HMG20A: variants seen among roughly 807,000 people sequenced by gnomAD.
HMG20A encodes the protein high mobility group 20A.
Under a neutral mutation model 43.9 loss-of-function variants are expected in HMG20A, and 17 were observed. The observed-to-expected ratio is 0.39, with a 90% confidence interval of 0.27 to 0.58. The LOEUF is 0.58. Among genes scored for constraint, HMG20A ranks in the 20% least tolerant of loss-of-function variants. HMG20A has a pLI of 0.59. For missense variants in HMG20A, 341 were observed against 438.2 expected (o/e 0.78, Z 1.98); for synonymous variants, 132 against 147.5 (o/e 0.89, Z 0.76).
chr15:77,471,063 T>C, intron 5 of HMG20A, 21 bp downstream of exon 5: 1 of 1,604,006 alleles, frequency 6.2e-7, no homozygotes, highest in South Asian at 1.1e-5. Flanking sequence ...CAGAACCAAA[T>C]GTATTTGTAG....
intron 1 of HMG20A, 119 bp downstream of exon 1, chr15:77,421,123 G>C: frequency 2.5e-6 from 1 of 392,662 alleles, no homozygotes; most frequent in Non-Finnish European, 4.5e-6. Context: ...CCGGCTGAAT[G>C]GGGGCGCCTC....
At chr15:77,478,085 ATG>A (rs1369382225) in intron 7 of HMG20A, 4 of 587,106 alleles carry the variant, frequency 6.8e-6, no homozygotes, top group Non-Finnish European at 9.1e-6. Flanking sequence ...TATGTATGGA[ATG>A]TGACTAGCTT....
intron 6 of HMG20A, among the ~76,000 whole-genome samples, chr15:77,473,421 T>G (rs2072828188): frequency 6.6e-6 from 1 of 152,250 alleles, no homozygotes. Flanking sequence ...CTTCTTTTTT[T>G]CTCTATTTTA....
intron 1 of HMG20A, among the ~76,000 whole-genome samples, chr15:77,424,422 T>C (rs895126181): frequency 6.6e-6 from 1 of 152,194 alleles, no homozygotes; most frequent in Non-Finnish European, 1.5e-5. Flanking sequence ...TTGGTAACCA[T>C]GAGCAATTTA....
At chr15:77,487,597 G>C (rs187751952), downstream of HMG20A, among the ~76,000 whole-genome samples, 1 of 152,246 alleles carries the variant, frequency 6.6e-6, no homozygotes, top group East Asian at 1.9e-4. Flanking sequence ...ATAAACAGGT[G>C]GTAATACTTC....
intron 1 of HMG20A, among the ~76,000 whole-genome samples, chr15:77,423,532 A>C (rs1239938377): frequency 6.6e-6 from 1 of 152,252 alleles, no homozygotes; most frequent in East Asian, 1.9e-4. Context: ...TATGTAACAA[A>C]GAAAGTGTCA....
Position 77,443,352 on chromosome 15 carries a change from TATGATG to T in HMG20A, c.-4-15028_-4-15023del, listed in dbSNP as rs771200087. On this transcript the variant is annotated intron_variant, in intron 1 of 9. Coordinates refer to ENST00000336216, the MANE Select transcript of HMG20A (RefSeq NM_001304504.2). ...TCTTTGTTCTTATATATCTATTTTT[TATGATG>T]ATGATGATGATGATGATGATGATTA... Among the ~76,000 whole-genome samples the T allele has an allele frequency of 2.4e-4, 34 of 141,786 alleles. 1 individual carries two copies. The highest frequency in any genetic ancestry group is 3.7e-4 in the African/African-American group (14 of 38,270). 93.0% of individuals were successfully genotyped at this position (141,786 alleles called of 152,430 possible). A position where few individuals can be genotyped will look rare whatever the true frequency, so the allele number is the denominator to read the frequency against.
chr15:77,482,975 A>G lies in HMG20A; in HGVS notation c.*12A>G, dbSNP rs528383204. 6.6e-6 allele frequency: 1 copy of G among 152,350 alleles called. No individual in the cohort carries two copies. Among genetic ancestry groups the G allele is most frequent in the South Asian group, 2.1e-4 (1 of 4,828 alleles). 9.4% of individuals were successfully genotyped at this position (152,350 alleles called of 1,614,324 possible). ...TTGTTTTCCTGATTCTACAGGTCTT[A>G]GAACTCCAAGATGTTCCATAAGTGT... On this transcript the variant is annotated 3_prime_UTR_variant, in exon 10 of 10. Transcript: ENST00000336216.
rs2072811979 is a variant in HMG20A, at chr15:77,471,831, C to T, written c.615+17C>T. On this transcript the variant is annotated intron_variant, in intron 6 of 9. Transcript: ENST00000336216. ...GATCATGAGGTAATTAGCCATCTGT[C>T]TACATATCATATATATGTATTTATA... 7.0e-7 allele frequency: 1 copy of T among 1,437,908 alleles called. No individual in the cohort carries two copies. Among genetic ancestry groups the T allele is most frequent in the Non-Finnish European group, 9.6e-7 (1 of 1,042,188 alleles). The allele number at this position is 1,437,908 out of a possible 1,614,324, so 89.1% of individuals were successfully genotyped here.
At chr15:77,513,865 A>G in the HMG20A span, among the ~76,000 whole-genome samples, 3 of 152,082 alleles carry the variant, frequency 2.0e-5, no homozygotes, top group East Asian at 5.8e-4. Context: ...AGCTGGGACT[A>G]CAGGCATGCG....
In HMG20A at chr15:77,464,327, GT is replaced by G; in HGVS notation, c.179del (p.Leu60CysfsTer55). 4.3e-6 allele frequency: 7 copies of G among 1,613,906 alleles called. No homozygotes were observed. The highest frequency in any genetic ancestry group is 5.9e-6 in the Non-Finnish European group (7 of 1,179,848). ...EFVEDLSQGQ[L>X]LQSESSNAAE... The stretch of plus-strand genomic sequence containing the variant: ...TTGTGGAGGATCTCTCTCAAGGTCA[GT>G]TGCTTCAGAGTGAGTCTTCAAATGC... On this transcript the variant is annotated frameshift_variant, in exon 3 of 10. Transcript: ENST00000336216. LOFTEE classifies it high-confidence loss of function.
chr15:77,443,706 TTTATTA>T (rs201807809), intron 1 of HMG20A, among the ~76,000 whole-genome samples: 1 of 149,780 alleles, frequency 6.7e-6, no homozygotes, highest in Non-Finnish European at 1.5e-5. Context: ...TATGTATTTA[TTTATTA>T]TTATTATTAT....
intron 1 of HMG20A, among the ~76,000 whole-genome samples, chr15:77,450,220 C>T (rs535996808): frequency 6.6e-6 from 1 of 152,060 alleles, no homozygotes; most frequent in African/African-American, 2.4e-5. Context: ...AGCTCTGCCT[C>T]CAGGGTTCGC....
intron 1 of HMG20A, among the ~76,000 whole-genome samples, chr15:77,456,734 A>C (rs1172087688): frequency 2.0e-5 from 3 of 152,068 alleles, no homozygotes; most frequent in East Asian, 3.9e-4. Context: ...TATGGTATCT[A>C]ACAGATATTA....
the HMG20A span, among the ~76,000 whole-genome samples, chr15:77,519,126 C>T: frequency 6.6e-6 from 1 of 152,144 alleles, no homozygotes; most frequent in Admixed American, 6.5e-5. Flanking sequence ...TGGCCTAGAT[C>T]CTGCCTCAGT....
intron 3 of HMG20A, among the ~76,000 whole-genome samples, chr15:77,465,784 T>C (rs2072751750): frequency 6.6e-6 from 1 of 152,260 alleles, no homozygotes; most frequent in Non-Finnish European, 1.5e-5. Flanking sequence ...CCATTTTATA[T>C]ATATTTGGAG....
rs184583386 is a variant in HMG20A, at chr15:77,442,850, A to G, written c.-4-15554A>G. Reference sequence around the variant, plus strand: ...CGTGTAGCCATATTTTTTTTACAAAAAAGAAACTAAGTATTGCATGTGAAA... The same window carrying G: ...CGTGTAGCCATATTTTTTTTACAAAGAAGAAACTAAGTATTGCATGTGAAA... On this transcript the variant is annotated intron_variant, in intron 1 of 9. Transcript: ENST00000336216. Among the ~76,000 whole-genome samples, 189 of 152,260 alleles carry G rather than the reference A, an allele frequency of 1.2e-3. 1 individual carries two copies. The highest frequency in any genetic ancestry group is 4.4e-3 in the African/African-American group (184 of 41,558).
the HMG20A span, among the ~76,000 whole-genome samples, chr15:77,498,009 T>C: frequency 6.6e-6 from 1 of 152,028 alleles, no homozygotes; most frequent in Non-Finnish European, 1.5e-5. Flanking sequence ...AAGATCTTTA[T>C]CTAGGTGGGA....
At chr15:77,449,042 C>T (rs768076294) in intron 1 of HMG20A, among the ~76,000 whole-genome samples, 1 of 151,430 alleles carries the variant, frequency 6.6e-6, no homozygotes, top group South Asian at 2.1e-4. Flanking sequence ...GAGTGAGGCT[C>T]GTCTCAAAAA....
Sources: gnomAD v4.1 joint callset for allele counts (sites outside exome capture counted in the v4.1 genomes callset) on GRCh38, gnomAD v4.1.1 for gene constraint, MANE v1.5 for transcripts, NCBI Gene and HGNC (gene_info 2026-07-23, HGNC 2026-07-21) for gene names.